TRIM58: variants seen among roughly 807,000 people sequenced by gnomAD.
TRIM58 encodes the protein E3 ubiquitin-protein ligase TRIM58.
A neutral mutation model predicts 34.1 loss-of-function variants in TRIM58; 38 were observed. The observed-to-expected ratio is 1.12, with a 90% CI of 0.86 to 1.46. The LOEUF is 1.46. TRIM58 is among the 40% of genes most tolerant of loss of function. TRIM58 has a pLI of 0.00. For missense variants in TRIM58, 677 were observed against 642.0 expected (o/e 1.05, Z -0.59); for synonymous variants, 273 against 275.7 (o/e 0.99, Z 0.10).
At chr1:247,864,153 CA>C (rs1161199719) in intron 2 of TRIM58, among the ~76,000 whole-genome samples, 1 of 151,992 alleles carries the variant, frequency 6.6e-6, no homozygotes, top group Non-Finnish European at 1.5e-5. Flanking sequence ...TTTTTCCCCA[CA>C]TTTTTTAAGA....
chr1:247,871,377 G>GTTAT (rs1487282254), intron 5 of TRIM58, among the ~76,000 whole-genome samples: 8 of 152,154 alleles, frequency 5.3e-5, no homozygotes, highest in African/African-American at 1.9e-4. Flanking sequence ...TTTTCATGTA[G>GTTAT]GAATAAGCAG....
rs1451045204 is a variant in TRIM58 at position 247,864,973 on chromosome 1, C to G, written c.747+38C>G. 2.0e-6 allele frequency: 3 copies of G among 1,518,934 alleles called. No homozygotes were observed. In the African/African-American group the frequency reaches 4.2e-5, roughly 21 times the overall value. The allele number at this position is 1,518,934 out of a possible 1,614,324, so 94.1% of individuals were successfully genotyped here. Reference sequence around the variant, plus strand: ...GCCAGAAAAGCAGGCAGATGTGAGACTCAGGTGACAGAGACTAGTACAATG... The same window carrying G: ...GCCAGAAAAGCAGGCAGATGTGAGAGTCAGGTGACAGAGACTAGTACAATG... On this transcript the variant is annotated intron_variant, in intron 3 of 5. Coordinates refer to ENST00000366481, the MANE Select transcript of TRIM58 (RefSeq NM_015431.4).
In TRIM58 at chr1:247,878,562, C is replaced by A. The variant is rs1659342993; in HGVS notation, c.*2073C>A. On this transcript the variant is annotated 3_prime_UTR_variant, in exon 6 of 6. Transcript: ENST00000366481. ...ATGTGTGCCCTAGCCCTCGTTCATG[C>A]AAGGTCTGTGTAGGGAAGGTGGACT... is the stretch of plus-strand genomic sequence containing the variant. Among the ~76,000 whole-genome samples the A allele has an allele frequency of 6.6e-6, 1 of 152,220 alleles. No homozygotes were observed. The highest frequency in any genetic ancestry group is 1.5e-5 in the Non-Finnish European group (1 of 68,044).
chr1:247,876,064 C>T lies in TRIM58; in HGVS notation c.1036C>T (p.His346Tyr). The T allele has an allele frequency of 1.9e-6, 3 of 1,614,170 alleles. No individual in the cohort carries two copies. Among genetic ancestry groups the T allele is most frequent in the Non-Finnish European group, 2.5e-6 (3 of 1,180,034 alleles). The change falls in exon 6 of 6, where the codon CAT becomes TAT. Residue 346 changes from histidine to tyrosine, a missense_variant. His to Tyr is a moderately conservative substitution (Grantham distance 83, BLOSUM62 2). Coordinates refer to ENST00000366481, the MANE Select transcript of TRIM58 (RefSeq NM_015431.4). ...LGLQSFSSGR[H>Y]YWEVLVGEGA... ...TTTGCAGAGCTTCTCATCAGGGAGG[C>T]ATTACTGGGAGGTTCTGGTGGGAGA...
chr1:247,870,825 C>T (rs1659099579), intron 5 of TRIM58, among the ~76,000 whole-genome samples: 1 of 48,976 alleles, frequency 2.0e-5, no homozygotes, highest in Non-Finnish European at 3.5e-5. Flanking sequence ...TATTCATGAG[C>T]AGTATCAGAG....
rs1039402238 is a variant in TRIM58 at position 247,857,196 on chromosome 1, G to T, written c.-51G>T. On this transcript the variant is annotated 5_prime_UTR_variant, in exon 1 of 6. Transcript: ENST00000366481. ...GGGCTCCTCCCCCTGTGCAGACCGC[G>T]AGGGGAGACGGTGCGGGCGGCCGGG... is the stretch of plus-strand genomic sequence containing the variant. The T allele has an allele frequency of 4.6e-6, 6 of 1,302,582 alleles. No homozygotes were observed. The highest frequency in any genetic ancestry group is 4.9e-6 in the Non-Finnish European group (5 of 1,021,510). The allele number at this position is 1,302,582 out of a possible 1,614,324, so 80.7% of individuals were successfully genotyped here. A position where few individuals can be genotyped will look rare whatever the true frequency, so the allele number is the denominator to read the frequency against.
At chr1:247,873,796 C>T (rs112602068) in intron 5 of TRIM58, among the ~76,000 whole-genome samples, 3 of 152,118 alleles carry the variant, frequency 2.0e-5, no homozygotes, top group Non-Finnish European at 4.4e-5. Flanking sequence ...GGCAAAACCC[C>T]TTCTCTACAA....
In TRIM58 at chr1:247,857,559, C is replaced by G. The variant is rs769812222; in HGVS notation, c.313C>G (p.Arg105Gly). The change falls in exon 1 of 6, where the codon CGC (arginine) becomes GGC (glycine). Residue 105 changes from arginine to glycine, a missense_variant. Transcript: ENST00000366481. The part of the protein sequence containing the change: ...RCARHGEDLS[R>G]FCEEDEAALC... ...CGCGCGGCACGGCGAGGACCTGAGC[C>G]GCTTCTGCGAGGAGGACGAGGCGGC... 12 of 1,270,126 alleles carry G rather than the reference C, an allele frequency of 9.4e-6. No individual in the cohort carries two copies. Among genetic ancestry groups the G allele is most frequent in the Admixed American group, 8.3e-5 (2 of 24,208 alleles). The allele number at this position is 1,270,126 out of a possible 1,614,324, so 78.7% of individuals were successfully genotyped here. A position where few individuals can be genotyped will look rare whatever the true frequency, so the allele number is the denominator to read the frequency against.
chr1:247,873,399 A>G (rs139997310), intron 5 of TRIM58, among the ~76,000 whole-genome samples: 155 of 152,288 alleles, frequency 1.0e-3, no homozygotes, highest in African/African-American at 3.6e-3. Flanking sequence ...GCCATTTCAC[A>G]GATCTCTTTT....
intron 3 of TRIM58, among the ~76,000 whole-genome samples, chr1:247,865,777 A>G (rs1442830139): frequency 6.6e-6 from 1 of 152,226 alleles, no homozygotes; most frequent in African/African-American, 2.4e-5. Flanking sequence ...ACCAATGGCA[A>G]CAGAAATTTA....
At position 247,864,917 on chromosome 1, in the gene TRIM58, G is replaced by A. The variant is rs946696; in HGVS notation, c.729G>A (p.Pro243=). ...AGCTGCAGGAGAGGTGCCAGCGCCCGGCCCTGGGTCTGCTGGAGGTGAGGC... is the reference window on the plus strand; with the variant it reads ...AGCTGCAGGAGAGGTGCCAGCGCCCAGCCCTGGGTCTGCTGGAGGTGAGGC... ...ADELQERCQR[P]ALGLLEGVRG... is the part of the protein sequence containing the mutation. The change falls in exon 3 of 6, where the codon CCG becomes CCA. Residue 243 remains proline (P), a synonymous_variant. Coordinates refer to ENST00000366481, the MANE Select transcript of TRIM58 (RefSeq NM_015431.4). 841,579 of 1,583,064 alleles carry A rather than the reference G, an allele frequency of 0.53. 231,779 individuals are homozygous for A. Among genetic ancestry groups the A allele is most frequent in the Middle Eastern group, 0.58 (2,640 of 4,514 alleles).
At chr1:247,871,493 A>T (rs935707550) in intron 5 of TRIM58, among the ~76,000 whole-genome samples, 6 of 152,234 alleles carry the variant, frequency 3.9e-5, no homozygotes, top group Admixed American at 6.5e-5. Context: ...ATCCCAAGTA[A>T]TGAAAACTAT....
chr1:247,866,230 G>A (rs1020540344), intron 3 of TRIM58, among the ~76,000 whole-genome samples: 8 of 152,008 alleles, frequency 5.3e-5, no homozygotes, highest in African/African-American at 1.2e-4. Flanking sequence ...AGTGCAGGGT[G>A]CAGTGGTGTG....
rs1436328841 is a variant in TRIM58 at position 247,879,580 on chromosome 1, GT to G, written c.*3092del. Among the ~76,000 whole-genome samples the G allele has an allele frequency of 1.3e-5, 2 of 151,758 alleles. No homozygotes were observed. Among genetic ancestry groups the G allele is most frequent in the Non-Finnish European group, 2.9e-5 (2 of 67,946 alleles). On this transcript the variant is annotated 3_prime_UTR_variant, in exon 6 of 6. Transcript: ENST00000366481. ...AGTGAATCCCCAGGCCCTAGAGGAT[GT>G]GAACCCCCAGGCCCTAGAGGATCTG...
At chr1:247,864,975 C>G (rs1208572484) in intron 3 of TRIM58, 40 bp downstream of exon 3, 1 of 1,513,574 alleles carries the variant, frequency 6.6e-7, no homozygotes, top group Non-Finnish European at 8.9e-7. Context: ...ATGTGAGACT[C>G]AGGTGACAGA....
chr1:247,875,533 GTC>G (rs1175748689), intron 5 of TRIM58, among the ~76,000 whole-genome samples: 1 of 150,858 alleles, frequency 6.6e-6, no homozygotes, highest in Non-Finnish European at 1.5e-5. Flanking sequence ...GCAAGACCCC[GTC>G]TCTCTGTCTC....
In TRIM58 at chr1:247,876,540, G is replaced by T. The variant is rs745832347; in HGVS notation, c.*51G>T. The T allele has an allele frequency of 1.4e-6, 2 of 1,420,134 alleles. No homozygotes were observed. The highest frequency in any genetic ancestry group is 9.7e-7 in the Non-Finnish European group (1 of 1,035,654). The allele number at this position is 1,420,134 out of a possible 1,614,324, so 88.0% of individuals were successfully genotyped here. On this transcript the variant is annotated 3_prime_UTR_variant, in exon 6 of 6. Transcript: ENST00000366481. ...AGCGTAGCGAACGTTCCTGGAGTGG[G>T]GTGAAGGATATCAATATACTAAGTT...
chr1:247,879,944 A>G lies in TRIM58; in HGVS notation c.*3455A>G, dbSNP rs537898121. ...CATACAGTACGTGTCGTCGTACTATATTGTTAGGCTTATTTAATTTATGTA... is the reference window on the plus strand; with the variant it reads ...CATACAGTACGTGTCGTCGTACTATGTTGTTAGGCTTATTTAATTTATGTA... On this transcript the variant is annotated 3_prime_UTR_variant, in exon 6 of 6. Coordinates refer to ENST00000366481, the MANE Select transcript of TRIM58 (RefSeq NM_015431.4). Among the ~76,000 whole-genome samples, 32 of 151,878 alleles carry G rather than the reference A, an allele frequency of 2.1e-4. No individual in the cohort carries two copies. The highest frequency in any genetic ancestry group is 7.9e-4 in the Admixed American group (12 of 15,252).
At chr1:247,874,543 A>G (rs923756756) in intron 5 of TRIM58, among the ~76,000 whole-genome samples, 1 of 152,202 alleles carries the variant, frequency 6.6e-6, no homozygotes, top group Non-Finnish European at 1.5e-5. Flanking sequence ...AAGCAATGCT[A>G]ATAAGGAAAT....
Sources: allele counts gnomAD v4.1 joint callset (sites outside exome capture counted in the v4.1 genomes callset), GRCh38; gene constraint gnomAD v4.1.1; transcripts MANE v1.5; gene names NCBI Gene and HGNC (gene_info 2026-07-23, HGNC 2026-07-21).